The following TAFA1 variants were observed in gnomAD, a reference collection of about 807,000 sequenced individuals.
The protein encoded by TAFA1 is TAFA chemokine like family member 1.
Under a neutral mutation model 18.5 loss-of-function variants are expected in TAFA1, and 4 were observed. That is an observed-to-expected ratio of 0.22 (90% confidence interval 0.11 to 0.49). The LOEUF (loss-of-function observed/expected upper bound fraction) is 0.49. Ranked by LOEUF, TAFA1 falls within the 20% of genes least tolerant of loss-of-function variation. The pLI is 0.98. For missense variants in TAFA1, 147 were observed against 169.0 expected, an observed-to-expected ratio of 0.87 and a Z score of 0.72; for synonymous variants, 56 against 55.2, an observed-to-expected ratio of 1.01 and a Z score of -0.06.
intron 2 of TAFA1, among the ~76,000 whole-genome samples, chr3:68,303,306 T>G (rs1217513916): frequency 6.6e-6 from 1 of 152,198 alleles, no homozygotes; most frequent in Non-Finnish European, 1.5e-5. Context: ...AATGATGGGA[T>G]AGTGATAAAG....
chr3:68,315,044 A>G (rs72626964), intron 2 of TAFA1, among the ~76,000 whole-genome samples: 3,939 of 152,120 alleles, frequency 0.026, 91 homozygotes, highest in East Asian at 0.099. Flanking sequence ...GAGAACTTCA[A>G]TAAGTAAAGG....
intron 2 of TAFA1, among the ~76,000 whole-genome samples, chr3:68,012,354 A>G (rs561529498): frequency 6.6e-6 from 1 of 152,304 alleles, no homozygotes; most frequent in East Asian, 1.9e-4. Context: ...TCTCCGTCAA[A>G]AGGGGATTGG....
At chr3:68,390,988 C>T (rs1019798488) in intron 2 of TAFA1, among the ~76,000 whole-genome samples, 4 of 152,098 alleles carry the variant, frequency 2.6e-5, no homozygotes, top group African/African-American at 9.7e-5. Context: ...AGCAAGGGAA[C>T]AAAACTGGAC....
intron 3 of TAFA1, among the ~76,000 whole-genome samples, chr3:68,534,590 G>C (rs757790770): frequency 3.9e-5 from 6 of 152,114 alleles, no homozygotes; most frequent in Non-Finnish European, 7.4e-5. Context: ...CTATTTAGAA[G>C]AGGCAACTCT....
intron 2 of TAFA1, among the ~76,000 whole-genome samples, chr3:68,082,565 T>A (rs949595788): frequency 2.0e-5 from 3 of 152,224 alleles, no homozygotes; most frequent in African/African-American, 7.2e-5. Flanking sequence ...GACAAATGCA[T>A]AGTACTTAAA....
intron 2 of TAFA1, among the ~76,000 whole-genome samples, chr3:68,172,556 A>G (rs2066069576): frequency 6.6e-6 from 1 of 152,180 alleles, no homozygotes; most frequent in Admixed American, 6.5e-5. Flanking sequence ...GGTATTTGCC[A>G]AAAAGCCTTG....
At chr3:68,056,627 A>G (rs531406801) in intron 2 of TAFA1, among the ~76,000 whole-genome samples, 2 of 152,262 alleles carry the variant, frequency 1.3e-5, no homozygotes, top group Admixed American at 1.3e-4. Context: ...CCCATGGGAA[A>G]CTCCAGGAAA....
intron 2 of TAFA1, among the ~76,000 whole-genome samples, chr3:68,099,135 C>A (rs752204016): frequency 6.6e-6 from 1 of 151,950 alleles, no homozygotes; most frequent in Non-Finnish European, 1.5e-5. Context: ...GCAATTGTAG[C>A]AAAAACAAAA....
At position 68,042,086 on chromosome 3, in the gene TAFA1, A is replaced by G. The variant is rs555884844; in HGVS notation, c.118+35342A>G. ...GGGAAAATTGACAGACCTGGCCACA[A>G]TGAGCCTTCTTTTTCTCATGACTGA... On this transcript the variant is annotated intron_variant, in intron 2 of 4. Coordinates refer to ENST00000478136, the MANE Select transcript of TAFA1 (RefSeq NM_213609.4). Among the ~76,000 whole-genome samples, 76 of 152,286 alleles carry G rather than the reference A, an allele frequency of 5.0e-4. 1 individual carries two copies. The Middle Eastern group carries it at 0.014, about 27-fold the overall frequency.
At chr3:68,015,476 G>T (rs1438833893) in intron 2 of TAFA1, among the ~76,000 whole-genome samples, 1 of 151,798 alleles carries the variant, frequency 6.6e-6, no homozygotes, top group East Asian at 1.9e-4. Context: ...TAGAAGAGAC[G>T]AGGGTTTCAC....
chr3:68,363,322 C>G (rs1305598710), intron 2 of TAFA1, among the ~76,000 whole-genome samples: 1 of 152,096 alleles, frequency 6.6e-6, no homozygotes, highest in African/African-American at 2.4e-5. Flanking sequence ...GAAAATGAAC[C>G]ACGATGGGTC....
chr3:68,124,843 G>T (rs1290400284), intron 2 of TAFA1, among the ~76,000 whole-genome samples: 2 of 152,126 alleles, frequency 1.3e-5, no homozygotes, highest in African/African-American at 2.4e-5. Context: ...CTGTCCAAAA[G>T]GCAGAACTTC....
chr3:68,370,830 T>C (rs1237068281), intron 2 of TAFA1, among the ~76,000 whole-genome samples: 1 of 148,078 alleles, frequency 6.8e-6, no homozygotes. Flanking sequence ...CTGAATGAGC[T>C]GGGGAGTGCC....
chr3:68,204,293 A>G (rs983656924), intron 2 of TAFA1, among the ~76,000 whole-genome samples: 1 of 151,686 alleles, frequency 6.6e-6, no homozygotes, highest in African/African-American at 2.4e-5. Context: ...TCTATTTTTG[A>G]TTTCTACTCT....
intron 2 of TAFA1, among the ~76,000 whole-genome samples, chr3:68,273,490 T>C (rs1435524662): frequency 6.6e-6 from 1 of 152,182 alleles, no homozygotes; most frequent in Non-Finnish European, 1.5e-5. Flanking sequence ...TGTCAAATCA[T>C]TGAAGAAACA....
chr3:68,344,228 T>G lies in TAFA1; in HGVS notation c.119-73052T>G, dbSNP rs1158138010. Among the ~76,000 whole-genome samples, 3 of 152,330 alleles carry G rather than the reference T, an allele frequency of 2.0e-5. No homozygotes were observed. The East Asian group carries it at 5.8e-4, about 29-fold the overall frequency. Reference sequence around the variant, plus strand: ...AATGTATATTTTTTCAAACAGATGTTAAAACATCAGAACATAAACATCTGT... The same window carrying G: ...AATGTATATTTTTTCAAACAGATGTGAAAACATCAGAACATAAACATCTGT... On this transcript the variant is annotated intron_variant, in intron 2 of 4. Transcript: ENST00000478136.
At chr3:68,147,800 C>A (rs765773953) in intron 2 of TAFA1, among the ~76,000 whole-genome samples, 2 of 152,158 alleles carry the variant, frequency 1.3e-5, no homozygotes, top group Non-Finnish European at 2.9e-5. Flanking sequence ...TGTCCTGATC[C>A]TTGTGTATAA....
intron 2 of TAFA1, among the ~76,000 whole-genome samples, chr3:68,056,770 G>C (rs2064541753): frequency 6.6e-6 from 1 of 152,122 alleles, no homozygotes; most frequent in Non-Finnish European, 1.5e-5. Flanking sequence ...CTTTCAGCCT[G>C]CTGGCCACGA....
intron 3 of TAFA1, among the ~76,000 whole-genome samples, chr3:68,447,799 A>G (rs1056968170): frequency 3.3e-5 from 5 of 152,214 alleles, no homozygotes; most frequent in African/African-American, 1.2e-4. Context: ...TTCTGAAGCA[A>G]TGTTCTGCCT....
Sources: gnomAD v4.1 joint callset for allele counts (sites outside exome capture counted in the v4.1 genomes callset) on GRCh38, gnomAD v4.1.1 for gene constraint, MANE v1.5 for transcripts, NCBI Gene and HGNC (gene_info 2026-07-23, HGNC 2026-07-21) for gene names.